Variants in DHRSX observed in about 807,000 individuals in gnomAD.
DHRSX encodes the protein polyprenol dehydrogenase.
In DHRSX, 31 loss-of-function variants were observed where a neutral mutation model predicts 34.0. The observed-to-expected ratio is 0.91, with a 90% confidence interval of 0.69 to 1.23. DHRSX has a LOEUF of 1.23. DHRSX is among the 50% of genes most tolerant of loss of function. The probability of loss-of-function intolerance (pLI) is 0.00; values close to 1 mark genes in which losing one functional copy is unlikely to be tolerated. For synonymous variants in DHRSX, 201 were observed against 183.8 expected, an observed-to-expected ratio of 1.09 and a Z score of -0.76; for missense variants, 414 against 428.1, an observed-to-expected ratio of 0.97 and a Z score of 0.29.
At chrX:2,293,137 T>A (rs1301655784) in intron 3 of DHRSX, among the ~76,000 whole-genome samples, 1 of 152,048 alleles carries the variant, frequency 6.6e-6, no homozygotes, top group South Asian at 2.1e-4. Context: ...TAACATCACA[T>A]AGGTAGAGAG....
chrX:2,478,457 G>C (rs1228859577), intron 1 of DHRSX, among the ~76,000 whole-genome samples: 3 of 152,144 alleles, frequency 2.0e-5, no homozygotes, highest in Middle Eastern at 3.2e-3. Context: ...TGTGGCCAAG[G>C]GATCACACTG....
Position 2,395,705 on chromosome X carries a change from G to A in DHRSX, c.286+13040C>T, listed in dbSNP as rs138789710. Among the ~76,000 whole-genome samples the A allele has an allele frequency of 5.8e-3, 886 of 152,140 alleles. 28 individuals are homozygous for A. In the East Asian group the frequency reaches 0.095, roughly 16 times the overall value. On this transcript the variant is annotated intron_variant, in intron 3 of 6. Coordinates refer to ENST00000334651, the MANE Select transcript of DHRSX (RefSeq NM_145177.3). ...AGGCCAACACTTCAGAGTGACACAC[G>A]CATGTTCAGGGTCACCTTACCGGAA...
At chrX:2,488,608 T>G in intron 1 of DHRSX, 1 of 1,558,146 alleles carries the variant, frequency 6.4e-7, no homozygotes, top group Non-Finnish European at 8.7e-7. Context: ...GCTGCGGGGA[T>G]GACTTGTAAG....
chrX:2,312,674 C>A (rs1433431032), intron 3 of DHRSX, among the ~76,000 whole-genome samples: 1 of 151,928 alleles, frequency 6.6e-6, no homozygotes, highest in Admixed American at 6.6e-5. Flanking sequence ...TAGTAACAAA[C>A]CTGCATATTC....
intron 3 of DHRSX, among the ~76,000 whole-genome samples, chrX:2,382,443 T>C (rs1210175922): frequency 6.6e-6 from 1 of 151,714 alleles, no homozygotes; most frequent in Admixed American, 6.6e-5. Flanking sequence ...CATTACCATT[T>C]TCATAATCAT....
At chrX:2,249,617 G>A (rs757037057) in intron 5 of DHRSX, among the ~76,000 whole-genome samples, 23 of 133,264 alleles carry the variant, frequency 1.7e-4, no homozygotes, top group South Asian at 2.6e-4. Context: ...TCCACCTCCC[G>A]GGTTCAAGTG....
At chrX:2,425,358 A>T in intron 1 of DHRSX, 54 bp from the exon 2 acceptor site, 1 of 1,476,854 alleles carries the variant, frequency 6.8e-7, no homozygotes, top group South Asian at 1.1e-5. Flanking sequence ...CAGAGCACAT[A>T]TTTGTAAGAA....
intron 1 of DHRSX, chrX:2,490,377 C>T (rs776764247): frequency 2.2e-5 from 35 of 1,613,648 alleles, no homozygotes; most frequent in Non-Finnish European, 2.8e-5. Context: ...TAGCCGTGGC[C>T]GGCCTTGACG....
intron 3 of DHRSX, among the ~76,000 whole-genome samples, chrX:2,377,446 C>T (rs2043154428): frequency 6.6e-6 from 1 of 151,926 alleles, no homozygotes; most frequent in Admixed American, 6.6e-5. Flanking sequence ...CAATAGGGTT[C>T]TCAATCTTCT....
intron 1 of DHRSX, among the ~76,000 whole-genome samples, chrX:2,492,792 G>A (rs2045188304): frequency 6.6e-6 from 1 of 152,204 alleles, no homozygotes; most frequent in Non-Finnish European, 1.5e-5. Context: ...GCGCAGCCCT[G>A]AGACACTTTG....
chrX:2,248,603 G>A (rs2016354905), intron 5 of DHRSX, among the ~76,000 whole-genome samples: 1 of 91,068 alleles, frequency 1.1e-5, no homozygotes, highest in African/African-American at 5.2e-5. Flanking sequence ...ACAAGAGCAA[G>A]ACTCTGTCTC....
intron 1 of DHRSX, among the ~76,000 whole-genome samples, chrX:2,434,154 G>A (rs1382306511): frequency 6.6e-6 from 1 of 152,176 alleles, no homozygotes; most frequent in Non-Finnish European, 1.5e-5. Flanking sequence ...TTGGAGATAT[G>A]AAATAAAACA....
At chrX:2,304,277 ATGGGTGGG>A (rs1258209865) in intron 3 of DHRSX, among the ~76,000 whole-genome samples, 1 of 114,408 alleles carries the variant, frequency 8.7e-6, no homozygotes, top group East Asian at 3.4e-4. Context: ...GGGTGGATGG[ATGGGTGGG>A]TGGGTGGGTG....
At chrX:2,420,718 G>A (rs2043769022) in intron 2 of DHRSX, among the ~76,000 whole-genome samples, 1 of 149,794 alleles carries the variant, frequency 6.7e-6, no homozygotes, top group Non-Finnish European at 1.5e-5. Flanking sequence ...ACTCCAGCCT[G>A]GGCAACAGAG....
intron 5 of DHRSX, among the ~76,000 whole-genome samples, chrX:2,265,950 G>C (rs2041458261): frequency 7.0e-6 from 1 of 141,850 alleles, no homozygotes; most frequent in South Asian, 2.3e-4. Flanking sequence ...TGTCCCCAGA[G>C]CACCAGTGTA....
At chrX:2,446,425 T>C (rs2044136014) in intron 1 of DHRSX, among the ~76,000 whole-genome samples, 1 of 149,646 alleles carries the variant, frequency 6.7e-6, no homozygotes, top group Non-Finnish European at 1.5e-5. Context: ...CCTAAGCATG[T>C]GGCCCAAGGG....
intron 5 of DHRSX, among the ~76,000 whole-genome samples, chrX:2,250,986 G>C (rs1319398160): frequency 2.6e-5 from 4 of 152,156 alleles, no homozygotes; most frequent in Admixed American, 1.3e-4. Flanking sequence ...GCAGCCTGCA[G>C]CTGACATGTT....
At chrX:2,489,563 A>G (rs1444454092) in intron 1 of DHRSX, 1 of 1,612,558 alleles carries the variant, frequency 6.2e-7, no homozygotes. Context: ...GCTGGCCTCC[A>G]GCATGAGGTG....
intron 3 of DHRSX, among the ~76,000 whole-genome samples, chrX:2,400,334 C>T (rs2043470793): frequency 6.6e-6 from 1 of 152,194 alleles, no homozygotes; most frequent in African/African-American, 2.4e-5. Flanking sequence ...CCTTAACAAT[C>T]CTTCTACCCA....
Sources: gnomAD v4.1 joint callset for allele counts (sites outside exome capture counted in the v4.1 genomes callset) on GRCh38, gnomAD v4.1.1 for gene constraint, MANE v1.5 for transcripts, NCBI Gene and HGNC (gene_info 2026-07-23, HGNC 2026-07-21) for gene names.